TRAPPC9: variants seen among roughly 807,000 people sequenced by gnomAD.
The protein encoded by TRAPPC9 is IKK2 binding protein.
A neutral mutation model predicts 124.0 loss-of-function variants in TRAPPC9; 83 were observed. That is an observed-to-expected ratio of 0.67 (90% CI 0.56 to 0.80). TRAPPC9 has a LOEUF of 0.80. TRAPPC9 is among the 30% of genes least tolerant of loss of function. The pLI is 0.00. For missense variants in TRAPPC9, 1,302 were observed against 1,508.3 expected (o/e 0.86, Z 2.27); for synonymous variants, 638 against 617.5 (o/e 1.03, Z -0.49).
In TRAPPC9 at chr8:139,743,555, T is replaced by A. The variant is rs185268547; in HGVS notation, c.3056-11353A>T. On this transcript the variant is annotated intron_variant, in intron 21 of 22. Coordinates refer to ENST00000438773, the MANE Select transcript of TRAPPC9 (RefSeq NM_001160372.4). ...TCTAGTTGACATAAATCTTGGGCGG[T>A]CCTAAATTTTAGAGCCAAATTTGAT... Among the ~76,000 whole-genome samples, 128 of 152,310 alleles carry A rather than the reference T, an allele frequency of 8.4e-4. 1 individual carries two copies. Among genetic ancestry groups the A allele is most frequent in the African/African-American group, 2.9e-3 (120 of 41,568 alleles).
At chr8:139,805,853 C>T (rs1824011632) in intron 21 of TRAPPC9, among the ~76,000 whole-genome samples, 3 of 152,132 alleles carry the variant, frequency 2.0e-5, no homozygotes, top group African/African-American at 7.2e-5. Context: ...CCAGAAAGCC[C>T]ACTCCAGACT....
intron 18 of TRAPPC9, among the ~76,000 whole-genome samples, chr8:140,023,387 T>C (rs1587517594): frequency 6.6e-6 from 1 of 152,348 alleles, no homozygotes; most frequent in East Asian, 1.9e-4. Flanking sequence ...AACTGTCCAA[T>C]TTCTTTCTCC....
At chr8:140,164,345 C>A (rs1412136517) in intron 17 of TRAPPC9, among the ~76,000 whole-genome samples, 1 of 152,222 alleles carries the variant, frequency 6.6e-6, no homozygotes, top group Non-Finnish European at 1.5e-5. Context: ...ATCCACATTG[C>A]CAAATTCAGG....
At chr8:140,056,864 A>C (rs1340785095) in intron 17 of TRAPPC9, among the ~76,000 whole-genome samples, 5 of 152,222 alleles carry the variant, frequency 3.3e-5, no homozygotes, top group Admixed American at 2.0e-4. Context: ...CAACCAACAG[A>C]GTGAAAAGGC....
rs192768094 is a variant in TRAPPC9, at chr8:140,139,171, G to C, written c.2556+82288C>G. Among the ~76,000 whole-genome samples, 65 of 152,282 alleles carry C rather than the reference G, an allele frequency of 4.3e-4. 1 individual carries two copies. The East Asian group carries it at 0.012, about 28-fold the overall frequency. On this transcript the variant is annotated intron_variant, in intron 17 of 22. Coordinates refer to ENST00000438773, the MANE Select transcript of TRAPPC9 (RefSeq NM_001160372.4). Reference sequence around the variant, plus strand: ...AGTCCAATGGGCACAGAAGGCTGAGGGGGACAGCAAGTCAGGGAATGGTGG... The same window carrying C: ...AGTCCAATGGGCACAGAAGGCTGAGCGGGACAGCAAGTCAGGGAATGGTGG...
chr8:140,429,571 C>T (rs564708571), intron 4 of TRAPPC9, among the ~76,000 whole-genome samples: 3 of 151,802 alleles, frequency 2.0e-5, no homozygotes, highest in Non-Finnish European at 4.4e-5. Flanking sequence ...GTGTAGAGGC[C>T]GAGGTGGGTG....
intron 19 of TRAPPC9, among the ~76,000 whole-genome samples, chr8:139,952,182 C>A (rs939534855): frequency 2.0e-5 from 3 of 152,190 alleles, no homozygotes; most frequent in Non-Finnish European, 4.4e-5. Context: ...AAGCCCTGAT[C>A]CACATTACTT....
chr8:140,054,123 G>C (rs1410908675), intron 17 of TRAPPC9, among the ~76,000 whole-genome samples: 2 of 152,124 alleles, frequency 1.3e-5, no homozygotes, highest in African/African-American at 4.8e-5. Context: ...CTAAATAATG[G>C]CTACACACAG....
chr8:140,072,591 G>C, intron 17 of TRAPPC9, among the ~76,000 whole-genome samples: 1 of 13,256 alleles, frequency 7.5e-5, no homozygotes, highest in South Asian at 4.1e-3. Flanking sequence ...GGAGGAGAAG[G>C]GAAGGAGGAG....
chr8:140,448,390 C>A (rs2071342070), intron 2 of TRAPPC9, among the ~76,000 whole-genome samples: 1 of 152,232 alleles, frequency 6.6e-6, no homozygotes. Context: ...AAACACTTGT[C>A]AGTCCTTATC....
chr8:140,358,754 G>A (rs893538941), intron 9 of TRAPPC9, among the ~76,000 whole-genome samples: 3 of 152,198 alleles, frequency 2.0e-5, no homozygotes, highest in African/African-American at 7.2e-5. Flanking sequence ...AGCACTGCAG[G>A]GGGCAGTAAT....
Position 139,793,818 on chromosome 8 carries a change from T to C in TRAPPC9, c.3056-61616A>G, listed in dbSNP as rs76679484. ...GCTCCAGACAGTGGAAAAAGGGCAG[T>C]TCACTCACTAACCTGAGTCGGAATG... is the stretch of plus-strand genomic sequence containing the variant. On this transcript the variant is annotated intron_variant, in intron 21 of 22. Transcript: ENST00000438773. Among the ~76,000 whole-genome samples the C allele has an allele frequency of 4.0e-3, 615 of 152,332 alleles. 9 individuals carry two copies. The highest frequency in any genetic ancestry group is 0.015 in the African/African-American group (606 of 41,570).
At chr8:139,934,670 T>G (rs895641883) in intron 19 of TRAPPC9, among the ~76,000 whole-genome samples, 4 of 152,214 alleles carry the variant, frequency 2.6e-5, no homozygotes, top group African/African-American at 9.6e-5. Flanking sequence ...AGGCTGCACA[T>G]GTGGCCACAG....
At chr8:140,220,629 T>C (rs2063318088) in intron 17 of TRAPPC9, among the ~76,000 whole-genome samples, 2 of 152,160 alleles carry the variant, frequency 1.3e-5, no homozygotes, top group African/African-American at 4.8e-5. Context: ...TAGCACCCCA[T>C]GCTCCTCCAC....
chr8:140,051,894 G>A (rs1345570573), intron 17 of TRAPPC9, among the ~76,000 whole-genome samples: 1 of 152,006 alleles, frequency 6.6e-6, no homozygotes, highest in Non-Finnish European at 1.5e-5. Flanking sequence ...GTTTAACTGT[G>A]TTTCCAATCC....
upstream of TRAPPC9, chr8:140,458,554 G>A: frequency 6.3e-7 from 1 of 1,578,242 alleles, no homozygotes. Context: ...TTGATCCCCA[G>A]CTGGCACCAT....
chr8:139,806,867 C>T (rs922417297), intron 21 of TRAPPC9, among the ~76,000 whole-genome samples: 2 of 152,190 alleles, frequency 1.3e-5, no homozygotes, highest in Admixed American at 6.5e-5. Flanking sequence ...TGCACACGCA[C>T]GGGGGAGAAG....
intron 9 of TRAPPC9, among the ~76,000 whole-genome samples, chr8:140,342,391 T>C (rs1176465006): frequency 6.6e-6 from 1 of 152,222 alleles, no homozygotes; most frequent in South Asian, 2.1e-4. Context: ...ATTTTACATG[T>C]GTGGTTTCTC....
chr8:139,748,945 G>C (rs1819136318), intron 21 of TRAPPC9, among the ~76,000 whole-genome samples: 1 of 152,146 alleles, frequency 6.6e-6, no homozygotes, highest in South Asian at 2.1e-4. Context: ...TTGAAAACCA[G>C]GTTTCTGGAC....
Sources: gnomAD v4.1 joint callset for allele counts (sites outside exome capture counted in the v4.1 genomes callset) on GRCh38, gnomAD v4.1.1 for gene constraint, MANE v1.5 for transcripts, NCBI Gene and HGNC (gene_info 2026-07-23, HGNC 2026-07-21) for gene names.